SEL1L2: variants seen among roughly 807,000 people sequenced by gnomAD.
The protein encoded by SEL1L2 is SEL1L2 adaptor subunit of SYVN1 ubiquitin ligase, also known as protein sel-1 homolog 2.
In SEL1L2, 89 loss-of-function variants were observed where a neutral mutation model predicts 98.8. That is an observed-to-expected ratio of 0.90 (90% CI 0.76 to 1.07). SEL1L2 has a LOEUF of 1.07. SEL1L2 is among the 50% of genes least tolerant of loss of function. The pLI is 0.00. For synonymous variants in SEL1L2, 262 were observed against 278.5 expected, an observed-to-expected ratio of 0.94 and a Z score of 0.59; for missense variants, 788 against 812.0, an observed-to-expected ratio of 0.97 and a Z score of 0.36.
At chr20:13,970,969 AT>A (rs969543642) in intron 1 of SEL1L2, among the ~76,000 whole-genome samples, 3 of 151,238 alleles carry the variant, frequency 2.0e-5, no homozygotes, top group Admixed American at 1.3e-4. Flanking sequence ...GCACGTTTCA[AT>A]TTTTTTCAAT....
chr20:13,933,354 A>C (rs1187551584), intron 2 of SEL1L2, among the ~76,000 whole-genome samples: 1 of 152,194 alleles, frequency 6.6e-6, no homozygotes, highest in Non-Finnish European at 1.5e-5. Context: ...TACCACAGTC[A>C]ATTTTAGAAC....
At chr20:13,907,742 CTTTCT>C (rs1555880159) in intron 5 of SEL1L2, among the ~76,000 whole-genome samples, 31 of 83,596 alleles carry the variant, frequency 3.7e-4, no homozygotes, top group South Asian at 1.2e-3. Context: ...TTCTTTCTTT[CTTTCT>C]TTTCTTTTCT....
At chr20:13,981,072 G>A (rs530580751) in intron 1 of SEL1L2, among the ~76,000 whole-genome samples, 35 of 152,174 alleles carry the variant, frequency 2.3e-4, no homozygotes, top group Admixed American at 5.9e-4. Flanking sequence ...GTGAAACCCC[G>A]TCTCTACTAA....
intron 5 of SEL1L2, among the ~76,000 whole-genome samples, chr20:13,902,343 G>T (rs2047720111): frequency 6.6e-6 from 1 of 152,104 alleles, no homozygotes; most frequent in Admixed American, 6.5e-5. Flanking sequence ...ATACTCTATT[G>T]TGCAGAATAG....
chr20:13,973,005 T>C (rs2051353882), intron 1 of SEL1L2, among the ~76,000 whole-genome samples: 1 of 152,190 alleles, frequency 6.6e-6, no homozygotes, highest in Admixed American at 6.5e-5. Flanking sequence ...AATCCTATTG[T>C]ATGGATATTG....
chr20:13,885,303 C>T (rs1447309638), intron 10 of SEL1L2, 44 bp downstream of exon 10: 2 of 1,323,102 alleles, frequency 1.5e-6, no homozygotes, highest in African/African-American at 1.4e-5. Context: ...TCCCTCACCA[C>T]TACCTTCCCC....
chr20:13,955,906 C>T (rs889574893), intron 2 of SEL1L2, among the ~76,000 whole-genome samples, 170 bp downstream of exon 2: 7 of 151,948 alleles, frequency 4.6e-5, no homozygotes, highest in African/African-American at 1.7e-4. Context: ...ACAGTCTTAT[C>T]CTCTCACGGT....
chr20:13,932,450 T>TTTTA (rs2049192719), intron 2 of SEL1L2, among the ~76,000 whole-genome samples: 2 of 150,762 alleles, frequency 1.3e-5, no homozygotes, highest in Non-Finnish European at 3.0e-5. Context: ...TATTATTTTT[T>TTTTA]GAGACGAGTT....
chr20:13,912,292 ATTTTTTT>A (rs11478603), intron 5 of SEL1L2, among the ~76,000 whole-genome samples: 14 of 111,346 alleles, frequency 1.3e-4, no homozygotes, highest in Admixed American at 6.8e-4. Context: ...TTTCTGTGGG[ATTTTTTT>A]TTTTTTTTTT....
chr20:13,879,967 C>T (rs1382035646), intron 10 of SEL1L2, among the ~76,000 whole-genome samples: 1 of 152,166 alleles, frequency 6.6e-6, no homozygotes, highest in Non-Finnish European at 1.5e-5. Context: ...CTCACGGCAC[C>T]TCATCCTGTC....
chr20:13,936,279 T>C (rs2049449983), intron 2 of SEL1L2, among the ~76,000 whole-genome samples: 1 of 152,216 alleles, frequency 6.6e-6, no homozygotes, highest in African/African-American at 2.4e-5. Flanking sequence ...CTAAGCTAAC[T>C]TTGGGAGAAA....
intron 12 of SEL1L2, among the ~76,000 whole-genome samples, chr20:13,871,422 C>T (rs1351128096): frequency 6.6e-6 from 1 of 152,100 alleles, no homozygotes; most frequent in Non-Finnish European, 1.5e-5. Flanking sequence ...AAGTGACTTA[C>T]TCAAGGAGAA....
chr20:13,985,178 C>T (rs1448375946), intron 1 of SEL1L2, among the ~76,000 whole-genome samples: 2 of 152,066 alleles, frequency 1.3e-5, no homozygotes, highest in Non-Finnish European at 2.9e-5. Flanking sequence ...TATTCATGTT[C>T]TTCAAGGAGT....
intron 1 of SEL1L2, among the ~76,000 whole-genome samples, chr20:13,979,495 ATCAC>A (rs2051706237): frequency 6.6e-6 from 1 of 152,258 alleles, no homozygotes; most frequent in Non-Finnish European, 1.5e-5. Flanking sequence ...GTACTGAAGT[ATCAC>A]TCTGCATCGT....
chr20:13,944,871 G>A (rs960287853), intron 2 of SEL1L2, among the ~76,000 whole-genome samples: 1 of 152,214 alleles, frequency 6.6e-6, no homozygotes, highest in Admixed American at 6.5e-5. Context: ...TTGGTAAGAA[G>A]GGAGAAGATA....
chr20:13,923,232 A>G (rs565354348), intron 3 of SEL1L2, among the ~76,000 whole-genome samples: 2 of 152,360 alleles, frequency 1.3e-5, no homozygotes, highest in South Asian at 4.1e-4. Flanking sequence ...CATTTTCATT[A>G]TCAATTATAA....
chr20:13,855,518 T>C (rs575548475), intron 18 of SEL1L2, among the ~76,000 whole-genome samples: 1 of 152,202 alleles, frequency 6.6e-6, no homozygotes, highest in Non-Finnish European at 1.5e-5. Context: ...TTTATTAAGA[T>C]AATGCTATCT....
chr20:13,968,561 G>A (rs1398268012), intron 1 of SEL1L2, among the ~76,000 whole-genome samples: 1 of 152,134 alleles, frequency 6.6e-6, no homozygotes, highest in East Asian at 1.9e-4. Flanking sequence ...TGTACCTGTG[G>A]CCTTTTCCCA....
At chr20:13,932,671 T>A (rs2049204621) in intron 2 of SEL1L2, among the ~76,000 whole-genome samples, 1 of 152,172 alleles carries the variant, frequency 6.6e-6, no homozygotes, top group South Asian at 2.1e-4. Flanking sequence ...CCTCAGGTGA[T>A]CTGCCCGCCT....
Sources: gnomAD v4.1 joint callset for allele counts (sites outside exome capture counted in the v4.1 genomes callset) on GRCh38, gnomAD v4.1.1 for gene constraint, MANE v1.5 for transcripts, NCBI Gene and HGNC (gene_info 2026-07-23, HGNC 2026-07-21) for gene names.